Variants in ERC2 observed in about 807,000 individuals in gnomAD.
ERC2 encodes ERC protein 2.
ERC2 carries 42 observed loss-of-function variants against 114.8 expected under a neutral mutation model. The ratio of observed to expected loss-of-function variants is 0.37; its 90% CI spans 0.29 to 0.47. The LOEUF (loss-of-function observed/expected upper bound fraction) is 0.47, where lower values mean the gene tolerates loss of function less well. Ranked by LOEUF, ERC2 falls within the 20% of genes least tolerant of loss-of-function variation. The pLI is 0.99. For missense variants in ERC2, 939 were observed against 1,150.7 expected (o/e 0.82, Z 2.66); for synonymous variants, 454 against 425.5 (o/e 1.07, Z -0.82).
chr3:56,354,923 G>A (rs1235294087), intron 2 of ERC2, among the ~76,000 whole-genome samples: 1 of 152,158 alleles, frequency 6.6e-6, no homozygotes, highest in Non-Finnish European at 1.5e-5. Flanking sequence ...GTTTGAATTA[G>A]CAAATAAATC....
At chr3:56,190,035 C>T (rs774342918) in intron 3 of ERC2, among the ~76,000 whole-genome samples, 6 of 152,124 alleles carry the variant, frequency 3.9e-5, no homozygotes, top group Non-Finnish European at 8.8e-5. Flanking sequence ...AATATGATGC[C>T]TTAAGCCAGG....
chr3:55,750,359 A>G (rs546492980), intron 14 of ERC2, among the ~76,000 whole-genome samples: 2 of 152,280 alleles, frequency 1.3e-5, no homozygotes, highest in Admixed American at 1.3e-4. Context: ...GTTTTATTAC[A>G]CCCCTTGTAA....
intron 3 of ERC2, among the ~76,000 whole-genome samples, chr3:56,283,137 G>A (rs1576258232): frequency 6.6e-6 from 1 of 152,206 alleles, no homozygotes; most frequent in Non-Finnish European, 1.5e-5. Context: ...TGCCTGGCAG[G>A]TTTTTAAGGC....
At chr3:56,441,103 C>T (rs1297176765) in intron 1 of ERC2, among the ~76,000 whole-genome samples, 7 of 152,216 alleles carry the variant, frequency 4.6e-5, no homozygotes, top group African/African-American at 1.7e-4. Context: ...TCTGGTTTTG[C>T]TCTCTTAAAA....
At position 56,093,739 on chromosome 3, in the gene ERC2, T is replaced by C. The variant is rs368985541; in HGVS notation, c.1474-12755A>G. On this transcript the variant is annotated intron_variant, in intron 6 of 17. Transcript: ENST00000288221. ...AGAGCTATAAACATGCTTAATCTTA[T>C]GTTTGTCACTAATTAAGTAAAGTAG... Among the ~76,000 whole-genome samples, 134 of 152,324 alleles carry C rather than the reference T, an allele frequency of 8.8e-4. 1 individual carries two copies. Among genetic ancestry groups the C allele is most frequent in the South Asian group, 4.1e-3 (20 of 4,824 alleles).
intron 6 of ERC2, among the ~76,000 whole-genome samples, chr3:56,105,294 T>C (rs917120574): frequency 6.6e-6 from 1 of 151,374 alleles, no homozygotes; most frequent in Non-Finnish European, 1.5e-5. Context: ...CACTGGAGGG[T>C]TTTTTGTTAT....
intron 12 of ERC2, among the ~76,000 whole-genome samples, chr3:55,964,602 A>G (rs984144224): frequency 6.6e-6 from 1 of 152,216 alleles, no homozygotes; most frequent in Non-Finnish European, 1.5e-5. Flanking sequence ...TTCTATTGGT[A>G]CATAACAAAT....
intron 17 of ERC2, among the ~76,000 whole-genome samples, chr3:55,648,635 AAG>A (rs889307329): frequency 1.3e-5 from 2 of 152,208 alleles, no homozygotes; most frequent in East Asian, 1.9e-4. Context: ...TTAAAAAAGT[AAG>A]AGAGTCCCAA....
At chr3:56,371,907 T>C (rs1237807644) in intron 2 of ERC2, among the ~76,000 whole-genome samples, 1 of 152,216 alleles carries the variant, frequency 6.6e-6, no homozygotes, top group Non-Finnish European at 1.5e-5. Context: ...CCATCTTCTG[T>C]ATACGCTATT....
intron 2 of ERC2, among the ~76,000 whole-genome samples, chr3:56,372,073 G>T (rs939406494): frequency 6.6e-6 from 1 of 152,186 alleles, no homozygotes. Context: ...TGCTTGATGG[G>T]AAAGAGAGTT....
chr3:55,515,769 G>A (rs1246421012), intron 17 of ERC2, among the ~76,000 whole-genome samples: 1 of 152,042 alleles, frequency 6.6e-6, no homozygotes, highest in Non-Finnish European at 1.5e-5. Flanking sequence ...CCCAGGGAGA[G>A]CAGGCTATAA....
intron 13 of ERC2, among the ~76,000 whole-genome samples, chr3:55,893,253 C>A (rs1330839490): frequency 6.6e-6 from 1 of 152,064 alleles, no homozygotes; most frequent in Non-Finnish European, 1.5e-5. Context: ...GAACTTATTC[C>A]CCTGTTTATT....
intron 14 of ERC2, among the ~76,000 whole-genome samples, chr3:55,793,403 T>C (rs2149082102): frequency 6.6e-6 from 1 of 152,310 alleles, no homozygotes; most frequent in South Asian, 2.1e-4. Context: ...AATTACAGAA[T>C]GTCTGTGACT....
intron 2 of ERC2, among the ~76,000 whole-genome samples, chr3:56,366,385 A>G (rs1271524312): frequency 6.6e-6 from 1 of 151,524 alleles, no homozygotes; most frequent in Non-Finnish European, 1.5e-5. Context: ...ATTTCCAGTT[A>G]ACCCGGACAC....
chr3:56,405,314 G>A (rs990337924), intron 2 of ERC2, among the ~76,000 whole-genome samples: 2 of 151,872 alleles, frequency 1.3e-5, no homozygotes, highest in South Asian at 4.2e-4. Context: ...CATGGCGGTG[G>A]GTGCCTATAA....
At position 56,109,436 on chromosome 3, in the gene ERC2, G is replaced by T. The variant is rs547425228; in HGVS notation, c.1474-28452C>A. On this transcript the variant is annotated intron_variant, in intron 6 of 17. Transcript: ENST00000288221. Reference sequence around the variant, plus strand: ...CCAATCTGTTACTGATGGGCATTTAGGTTGATTCCATGTCTTTGCTATTGT... The same window carrying T: ...CCAATCTGTTACTGATGGGCATTTATGTTGATTCCATGTCTTTGCTATTGT... Among the ~76,000 whole-genome samples the T allele has an allele frequency of 2.0e-5, 3 of 152,234 alleles. No homozygotes were observed. The South Asian group carries it at 6.2e-4, about 32-fold the overall frequency.
chr3:56,214,781 T>C (rs1237628168), intron 3 of ERC2, among the ~76,000 whole-genome samples: 1 of 134,162 alleles, frequency 7.5e-6, no homozygotes, highest in Non-Finnish European at 1.6e-5. Flanking sequence ...CCCATCAGAC[T>C]AACAGCTGAG....
chr3:56,429,714 C>T (rs974327172), intron 2 of ERC2, among the ~76,000 whole-genome samples: 1 of 152,140 alleles, frequency 6.6e-6, no homozygotes, highest in Non-Finnish European at 1.5e-5. Flanking sequence ...TTGGAGGGAA[C>T]TGGGTGGAGG....
rs76231482 is a variant in ERC2 at position 56,090,779 on chromosome 3, C to T, written c.1474-9795G>A. On this transcript the variant is annotated intron_variant, in intron 6 of 17. Transcript: ENST00000288221. ...GCCCGATAGGTGATTTTTCAATGCT[C>T]CCTGGCTCCCCCTACCCTTCCTCTT... Among the ~76,000 whole-genome samples, 1,078 of 121,578 alleles carry T rather than the reference C, an allele frequency of 8.9e-3. 13 individuals carry two copies. The highest frequency in any genetic ancestry group is 0.031 in the African/African-American group (1,032 of 33,442). 79.8% of individuals were successfully genotyped at this position (121,578 alleles called of 152,430 possible). A position where few individuals can be genotyped will look rare whatever the true frequency, so the allele number is the denominator to read the frequency against.
Sources: gnomAD v4.1 joint callset for allele counts (sites outside exome capture counted in the v4.1 genomes callset) on GRCh38, gnomAD v4.1.1 for gene constraint, MANE v1.5 for transcripts, NCBI Gene and HGNC (gene_info 2026-07-23, HGNC 2026-07-21) for gene names.